The following NUAK1 variants were observed in gnomAD, a reference collection of about 807,000 sequenced individuals.
The protein encoded by NUAK1 is NUAK family kinase 1.
NUAK1 carries 26 observed loss-of-function variants against 56.9 expected under a neutral mutation model. The ratio of observed to expected loss-of-function variants is 0.46; its 90% CI spans 0.33 to 0.63. The LOEUF (loss-of-function observed/expected upper bound fraction) is 0.63. Ranked by LOEUF, NUAK1 falls within the 30% of genes least tolerant of loss-of-function variation. The pLI is 0.02. For missense variants in NUAK1, 727 were observed against 876.1 expected, an observed-to-expected ratio of 0.83 and a Z score of 2.15; for synonymous variants, 337 against 336.0, an observed-to-expected ratio of 1.00 and a Z score of -0.03.
intron 2 of NUAK1, among the ~76,000 whole-genome samples, chr12:106,091,540 C>T (rs375657160): frequency 2.0e-5 from 3 of 152,278 alleles, no homozygotes; most frequent in South Asian, 2.1e-4. Flanking sequence ...GAAACAGAAC[C>T]GCCAGCAGCT....
intron 2 of NUAK1, among the ~76,000 whole-genome samples, chr12:106,101,867 G>A (rs149369664): frequency 8.0e-4 from 122 of 152,218 alleles, no homozygotes; most frequent in African/African-American, 2.7e-3. Flanking sequence ...CTAACTTCAC[G>A]TTCAGCGCTG....
At chr12:106,116,116 C>T (rs577640480) in intron 1 of NUAK1, among the ~76,000 whole-genome samples, 3 of 152,288 alleles carry the variant, frequency 2.0e-5, no homozygotes, top group East Asian at 3.9e-4. Context: ...TTATGCACCA[C>T]GGCATCTCCA....
intron 1 of NUAK1, among the ~76,000 whole-genome samples, chr12:106,114,789 A>G (rs1565926350): frequency 6.6e-6 from 1 of 152,164 alleles, no homozygotes; most frequent in East Asian, 1.9e-4. Flanking sequence ...AAAAAATTCA[A>G]CATTTACATG....
chr12:106,128,921 C>T (rs917425773), intron 1 of NUAK1, among the ~76,000 whole-genome samples: 6 of 152,182 alleles, frequency 3.9e-5, no homozygotes, highest in South Asian at 2.1e-4. Context: ...GCACCCCAGC[C>T]GGTTTGCAAT....
chr12:106,086,447 C>A (rs1025754231), intron 3 of NUAK1, among the ~76,000 whole-genome samples: 1 of 152,068 alleles, frequency 6.6e-6, no homozygotes, highest in Non-Finnish European at 1.5e-5. Context: ...TCTGTACTAC[C>A]TTTGAAACTT....
chr12:106,132,217 A>G (rs1592865181), intron 1 of NUAK1, among the ~76,000 whole-genome samples: 1 of 152,222 alleles, frequency 6.6e-6, no homozygotes, highest in Non-Finnish European at 1.5e-5. Flanking sequence ...TTGCTCTGTA[A>G]CCTGCCATTC....
intron 1 of NUAK1, among the ~76,000 whole-genome samples, chr12:106,110,131 G>T (rs1227002892): frequency 6.6e-6 from 1 of 152,270 alleles, no homozygotes; most frequent in East Asian, 1.9e-4. Context: ...ACAGGAGGAT[G>T]AACATCTTGA....
intron 1 of NUAK1, among the ~76,000 whole-genome samples, chr12:106,118,472 G>T (rs1043949473): frequency 6.6e-6 from 1 of 152,204 alleles, no homozygotes; most frequent in African/African-American, 2.4e-5. Flanking sequence ...AGCCTTGGGG[G>T]AAACTAGCTC....
At chr12:106,111,670 T>C (rs1462817295) in intron 1 of NUAK1, among the ~76,000 whole-genome samples, 1 of 150,320 alleles carries the variant, frequency 6.7e-6, no homozygotes, top group Non-Finnish European at 1.5e-5. Flanking sequence ...TCCCAGGTGA[T>C]GCCAGCCCCA....
intron 2 of NUAK1, among the ~76,000 whole-genome samples, chr12:106,092,660 T>C (rs993431525): frequency 6.6e-6 from 1 of 152,224 alleles, no homozygotes; most frequent in African/African-American, 2.4e-5. Context: ...TCCATTCTAC[T>C]GTTGATAGAC....
intron 1 of NUAK1, among the ~76,000 whole-genome samples, chr12:106,116,003 A>G (rs1394727392): frequency 2.6e-5 from 4 of 152,296 alleles, no homozygotes; most frequent in South Asian, 2.1e-4. Flanking sequence ...TGCTGCAGAC[A>G]TGGCCCATCC....
chr12:106,094,544 G>A (rs1375468615), intron 2 of NUAK1, among the ~76,000 whole-genome samples: 1 of 152,228 alleles, frequency 6.6e-6, no homozygotes, highest in Non-Finnish European at 1.5e-5. Context: ...CCAGAGCAGT[G>A]AGGATGAGAA....
chr12:106,114,841 C>T (rs2032900381), intron 1 of NUAK1, among the ~76,000 whole-genome samples: 1 of 152,182 alleles, frequency 6.6e-6, no homozygotes, highest in Admixed American at 6.5e-5. Context: ...AGAACTGTTG[C>T]ATCATTAATA....
At chr12:106,119,601 A>G (rs1450030316) in intron 1 of NUAK1, among the ~76,000 whole-genome samples, 1 of 152,236 alleles carries the variant, frequency 6.6e-6, no homozygotes, top group Non-Finnish European at 1.5e-5. Context: ...CACTGACAGA[A>G]GCAAGACATG....
At chr12:106,131,390 T>C (rs2033078300) in intron 1 of NUAK1, among the ~76,000 whole-genome samples, 1 of 152,188 alleles carries the variant, frequency 6.6e-6, no homozygotes, top group Non-Finnish European at 1.5e-5. Flanking sequence ...CTACGCTGTC[T>C]CTATGGATTT....
In NUAK1 at chr12:106,063,793, G is replaced by A. The variant is rs2032306500; in HGVS notation, c.*3009C>T. The stretch of plus-strand genomic sequence containing the variant: ...TTTCCAGTTTGGCAACAAGCAGTCA[G>A]TCGATCATTCACATTTGTACTCAAG... On this transcript the variant is annotated 3_prime_UTR_variant, in exon 7 of 7. Transcript: ENST00000261402. The A allele has an allele frequency of 6.6e-6, 1 of 152,076 alleles. No homozygotes were observed. Among genetic ancestry groups the A allele is most frequent in the Non-Finnish European group, 1.5e-5 (1 of 68,004 alleles). 9.4% of individuals were successfully genotyped at this position (152,076 alleles called of 1,614,324 possible).
At chr12:106,101,610 C>G (rs769965318) in intron 2 of NUAK1, among the ~76,000 whole-genome samples, 1 of 152,204 alleles carries the variant, frequency 6.6e-6, no homozygotes, top group Non-Finnish European at 1.5e-5. Flanking sequence ...CCTCACCACA[C>G]TCAGACCAGA....
intron 1 of NUAK1, among the ~76,000 whole-genome samples, chr12:106,128,536 G>A (rs1333855128): frequency 6.6e-6 from 1 of 152,184 alleles, no homozygotes; most frequent in African/African-American, 2.4e-5. Flanking sequence ...CTCGTGAGCT[G>A]AGCCCAGTTC....
intron 4 of NUAK1, among the ~76,000 whole-genome samples, chr12:106,082,132 C>T (rs1377768175): frequency 6.6e-6 from 1 of 152,220 alleles, no homozygotes; most frequent in Non-Finnish European, 1.5e-5. Context: ...TTATTATTGA[C>T]TCTCCAGGAC....
Sources: gnomAD v4.1 joint callset for allele counts (sites outside exome capture counted in the v4.1 genomes callset) on GRCh38, gnomAD v4.1.1 for gene constraint, MANE v1.5 for transcripts, NCBI Gene and HGNC (gene_info 2026-07-23, HGNC 2026-07-21) for gene names.